The following MCTP2 variants were observed in gnomAD, a reference collection of about 807,000 sequenced individuals.
MCTP2 encodes the protein multiple C2 and transmembrane domain-containing protein 2.
In MCTP2, 132 loss-of-function variants were observed where a neutral mutation model predicts 111.6. The ratio of observed to expected loss-of-function variants is 1.18; its 90% CI spans 1.03 to 1.37. MCTP2 has a LOEUF of 1.37. MCTP2 is among the 40% of genes most tolerant of loss of function. The pLI is 0.00. For synonymous variants in MCTP2, 395 were observed against 387.7 expected, an observed-to-expected ratio of 1.02 and a Z score of -0.22; for missense variants, 1,183 against 1,067.9, an observed-to-expected ratio of 1.11 and a Z score of -1.50.
chr15:94,401,985 G>A lies in MCTP2; in HGVS notation c.2051G>A (p.Trp684Ter). The stretch of plus-strand genomic sequence containing the variant: ...CAGTTCCTTAAAAGCTGCTTCCAGT[G>A]GGAATCCACATTAAGAAGTACAATA... ...TMQFLKSCFQ[W>*]ESTLRSTIAF... The change falls in exon 17 of 23, where the codon TGG becomes TAG. Residue 684 changes from tryptophan (W) to a stop codon, truncating the protein, a stop_gained. Transcript: ENST00000357742. LOFTEE classifies it high-confidence loss of function. 1 of 1,613,510 alleles carries A rather than the reference G, an allele frequency of 6.2e-7. No homozygotes were observed. Among genetic ancestry groups the A allele is most frequent in the Non-Finnish European group, 8.5e-7 (1 of 1,179,656 alleles).
intron 2 of MCTP2, among the ~76,000 whole-genome samples, chr15:94,311,510 G>A (rs1172785969): frequency 6.6e-6 from 1 of 152,184 alleles, no homozygotes. Context: ...ATGCAAGAGT[G>A]TGGGGGAATA....
intron 1 of MCTP2, among the ~76,000 whole-genome samples, chr15:94,238,353 TATGAATCATAA>T (rs1317220704): frequency 2.6e-5 from 4 of 152,206 alleles, no homozygotes; most frequent in African/African-American, 9.6e-5. Flanking sequence ...ATGTATATCG[TATGAATCATAA>T]ATGAATCATA....
At chr15:94,289,626 C>T (rs2074941171) in intron 1 of MCTP2, among the ~76,000 whole-genome samples, 1 of 152,082 alleles carries the variant, frequency 6.6e-6, no homozygotes, top group Non-Finnish European at 1.5e-5. Flanking sequence ...TTAAGTATGG[C>T]TTATGGTTGA....
rs145810639 is a variant in MCTP2, at chr15:94,325,033, C to T, written c.637+9396C>T. 7.7e-3 allele frequency among the ~76,000 whole-genome samples: 1,173 copies of T among 152,266 alleles called. 6 individuals are homozygous for T. Among genetic ancestry groups the T allele is most frequent in the Non-Finnish European group, 0.013 (871 of 68,020 alleles). On this transcript the variant is annotated intron_variant, in intron 4 of 22. Coordinates refer to ENST00000357742, the MANE Select transcript of MCTP2 (RefSeq NM_001385001.1). ...TTCATTCTGGCAGCCCTCTGGGCACCTCTGTTAGGCTTGGGCCACCATAAA... is the reference window on the plus strand; with the variant it reads ...TTCATTCTGGCAGCCCTCTGGGCACTTCTGTTAGGCTTGGGCCACCATAAA...
intron 4 of MCTP2, among the ~76,000 whole-genome samples, chr15:94,317,381 G>C (rs1020618748): frequency 1.1e-4 from 17 of 152,200 alleles, no homozygotes; most frequent in African/African-American, 4.1e-4. Flanking sequence ...TGAGCCGGTA[G>C]TTCAGGCTAG....
intron 12 of MCTP2, among the ~76,000 whole-genome samples, chr15:94,378,258 G>A (rs58610938): frequency 0.02 from 3,054 of 151,886 alleles, 102 homozygotes; most frequent in African/African-American, 0.069. Context: ...GCAGTGACTC[G>A]CACCCATAAT....
At chr15:94,351,358 A>G (rs1459087553) in intron 8 of MCTP2, among the ~76,000 whole-genome samples, 1 of 152,240 alleles carries the variant, frequency 6.6e-6, no homozygotes, top group African/African-American at 2.4e-5. Flanking sequence ...TTGACAAGGA[A>G]CAGTAGTTTT....
At chr15:94,464,253 TATATTA>T (rs1482844662) in intron 20 of MCTP2, among the ~76,000 whole-genome samples, 2 of 46,392 alleles carry the variant, frequency 4.3e-5, no homozygotes, top group Non-Finnish European at 9.0e-5. Flanking sequence ...TATATATATA[TATATTA>T]TATATATATA....
intron 1 of MCTP2, among the ~76,000 whole-genome samples, chr15:94,237,311 A>G (rs538038436): frequency 2.6e-5 from 4 of 152,274 alleles, no homozygotes; most frequent in African/African-American, 9.6e-5. Flanking sequence ...GTGGAGATGA[A>G]TCCTCCACTC....
At chr15:94,257,569 G>GTTT (rs760633548) in intron 1 of MCTP2, among the ~76,000 whole-genome samples, 3 of 33,864 alleles carry the variant, frequency 8.9e-5, no homozygotes, top group Non-Finnish European at 1.6e-4. Flanking sequence ...TTTCTTTGTT[G>GTTT]TTTTTTTTTT....
In MCTP2 at chr15:94,340,208, C is replaced by T. The variant is rs571927988; in HGVS notation, c.790C>T (p.Arg264Ter). The T allele has an allele frequency of 2.9e-5, 47 of 1,611,146 alleles. No homozygotes were observed. The highest frequency in any genetic ancestry group is 2.5e-4 in the South Asian group (23 of 91,002). ...TCTGTCCTCTTTGTAGGTATATGATCGAGATTTAACCACATCTGATTTCAT... is the reference window on the plus strand; with the variant it reads ...TCTGTCCTCTTTGTAGGTATATGATTGAGATTTAACCACATCTGATTTCAT... Reference protein sequence around the residue: ...DQKLRVKVYDRDLTTSDFMGS... With the variant: ...DQKLRVKVYD The change falls in exon 6 of 23, where the codon CGA becomes TGA. Residue 264 changes from arginine (R) to a stop codon, truncating the protein, a stop_gained. Transcript: ENST00000357742. LOFTEE classifies it high-confidence loss of function.
chr15:94,343,048 GTATATATATAACATA>G (rs1252554846), intron 7 of MCTP2: 1 of 115,264 alleles, frequency 8.7e-6, no homozygotes, highest in Admixed American at 9.6e-5. Flanking sequence ...AGATAAACAT[GTATATATATAACATA>G]TATATATATA....
chr15:94,267,869 C>CTTTCTTTTTTTT (rs1555443740), intron 1 of MCTP2, among the ~76,000 whole-genome samples: 6 of 77,456 alleles, frequency 7.7e-5, no homozygotes, highest in African/African-American at 1.7e-4. Flanking sequence ...CCTTTTCTTT[C>CTTTCTTTTTTTT]TTTTTTTTTT....
At chr15:94,385,671 T>C in intron 14 of MCTP2, 146 bp downstream of exon 14, 1 of 581,288 alleles carries the variant, frequency 1.7e-6, no homozygotes, top group Non-Finnish European at 3.1e-6. Context: ...TCCTCATTCT[T>C]TTCCGGTATT....
At chr15:94,244,276 A>G (rs986401393) in intron 1 of MCTP2, among the ~76,000 whole-genome samples, 13 of 132,588 alleles carry the variant, frequency 9.8e-5, no homozygotes, top group African/African-American at 3.0e-4. Flanking sequence ...ATATACACAC[A>G]TATATACACA....
At chr15:94,406,549 C>T (rs1339086160) in intron 17 of MCTP2, among the ~76,000 whole-genome samples, 2 of 152,134 alleles carry the variant, frequency 1.3e-5, no homozygotes, top group Non-Finnish European at 1.5e-5. Context: ...ATTACATGGG[C>T]GAGAATAATT....
chr15:94,436,609 A>G (rs1191219765), intron 17 of MCTP2, among the ~76,000 whole-genome samples: 2 of 152,154 alleles, frequency 1.3e-5, no homozygotes, highest in African/African-American at 2.4e-5. Context: ...GGCCAATGCT[A>G]TAGCAAATGA....
At chr15:94,311,340 T>A (rs140051965) in intron 2 of MCTP2, among the ~76,000 whole-genome samples, 1,624 of 152,210 alleles carry the variant, frequency 0.011, 36 homozygotes, top group African/African-American at 0.037. Context: ...GAACATTTTT[T>A]AAAAATCTCG....
intron 4 of MCTP2, among the ~76,000 whole-genome samples, chr15:94,318,317 T>C (rs2076470628): frequency 6.7e-6 from 1 of 148,648 alleles, no homozygotes. Context: ...GGAGTCTAGC[T>C]CTGTCGCCCA....
Sources: gnomAD v4.1 joint callset for allele counts (sites outside exome capture counted in the v4.1 genomes callset) on GRCh38, gnomAD v4.1.1 for gene constraint, MANE v1.5 for transcripts, NCBI Gene and HGNC (gene_info 2026-07-23, HGNC 2026-07-21) for gene names.